XPO6: variants seen among roughly 807,000 people sequenced by gnomAD.
XPO6 encodes the protein exportin-6.
XPO6 carries 3 observed loss-of-function variants against 130.0 expected under a neutral mutation model. The observed-to-expected ratio is 0.02, with a 90% confidence interval of 0.01 to 0.06. XPO6 has a LOEUF of 0.06. Ranked by LOEUF, XPO6 falls within the 10% of genes least tolerant of loss-of-function variation. The pLI, the probability that XPO6 is intolerant of heterozygous loss-of-function variation, is 1.00. For synonymous variants in XPO6, 524 were observed against 548.9 expected, an observed-to-expected ratio of 0.95 and a Z score of 0.63; for missense variants, 970 against 1,393.0, an observed-to-expected ratio of 0.70 and a Z score of 4.83.
chr16:28,141,989 T>A (rs2042903509), intron 9 of XPO6, among the ~76,000 whole-genome samples: 1 of 152,174 alleles, frequency 6.6e-6, no homozygotes, highest in African/African-American at 2.4e-5. Flanking sequence ...CAAAAATAAA[T>A]CTATGTATAT....
intron 15 of XPO6, 39 bp downstream of exon 15, chr16:28,117,279 A>T (rs771704737): frequency 6.2e-7 from 1 of 1,609,748 alleles, no homozygotes; most frequent in South Asian, 1.1e-5. Flanking sequence ...GGAGAGACAG[A>T]GAGTTAGATA....
At chr16:28,172,202 T>C (rs1456605456) in intron 4 of XPO6, among the ~76,000 whole-genome samples, 1 of 152,228 alleles carries the variant, frequency 6.6e-6, no homozygotes, top group Non-Finnish European at 1.5e-5. Context: ...GTATAATTTT[T>C]CCTCTCATTA....
At chr16:28,208,822 G>A (rs2044076713) in intron 1 of XPO6, among the ~76,000 whole-genome samples, 1 of 152,216 alleles carries the variant, frequency 6.6e-6, no homozygotes, top group African/African-American at 2.4e-5. Context: ...TTGTTCATCT[G>A]TACATGCCCT....
At chr16:28,119,678 C>T (rs1323953236) in intron 14 of XPO6, among the ~76,000 whole-genome samples, 8 of 151,732 alleles carry the variant, frequency 5.3e-5, no homozygotes, top group Admixed American at 2.6e-4. Context: ...GATACAAAAA[C>T]ATTCCTGGGA....
intron 17 of XPO6, chr16:28,111,118 A>G (rs1021311060): frequency 3.9e-5 from 6 of 152,250 alleles, no homozygotes; most frequent in African/African-American, 1.4e-4. Context: ...TTATAAAAGT[A>G]GTGTTTTTTA....
intron 1 of XPO6, among the ~76,000 whole-genome samples, chr16:28,199,221 G>A (rs1010129118): frequency 2.0e-5 from 3 of 152,216 alleles, no homozygotes; most frequent in African/African-American, 7.2e-5. Flanking sequence ...CCGTGACACA[G>A]CCTCAGGAGG....
intron 6 of XPO6, 57 bp downstream of exon 6, chr16:28,166,451 A>C: frequency 6.5e-7 from 1 of 1,537,534 alleles, no homozygotes; most frequent in South Asian, 1.2e-5. Flanking sequence ...AAATCACCAC[A>C]CCTGGCCCCC....
intron 1 of XPO6, among the ~76,000 whole-genome samples, chr16:28,189,362 A>G (rs377281039): frequency 1.3e-5 from 2 of 151,936 alleles, no homozygotes; most frequent in African/African-American, 4.8e-5. Flanking sequence ...TCCACAGTCT[A>G]GCAGTCAGCA....
intron 16 of XPO6, 31 bp from the exon 17 acceptor site, chr16:28,112,037 G>A: frequency 6.3e-7 from 1 of 1,590,670 alleles, no homozygotes; most frequent in Middle Eastern, 1.7e-4. Flanking sequence ...ATCCATCAGA[G>A]GTCAGAGCCA....
chr16:28,164,959 G>A (rs574822563), intron 6 of XPO6, among the ~76,000 whole-genome samples: 29 of 152,328 alleles, frequency 1.9e-4, no homozygotes, highest in Admixed American at 3.3e-4. Context: ...GCTCACACCT[G>A]TAATCCCAGA....
chr16:28,209,720 T>G (rs536944834), intron 1 of XPO6, among the ~76,000 whole-genome samples: 1 of 152,124 alleles, frequency 6.6e-6, no homozygotes, highest in African/African-American at 2.4e-5. Context: ...CCACTAAATG[T>G]TATACCTCAT....
chr16:28,103,271 A>G (rs1486237002), intron 21 of XPO6, among the ~76,000 whole-genome samples: 1 of 152,006 alleles, frequency 6.6e-6, no homozygotes, highest in Non-Finnish European at 1.5e-5. Flanking sequence ...AGCTTCTTTC[A>G]CCTGACAGAA....
intron 1 of XPO6, among the ~76,000 whole-genome samples, chr16:28,186,711 C>T (rs2043702068): frequency 6.7e-6 from 1 of 148,782 alleles, no homozygotes. Flanking sequence ...TGCTGTATCA[C>T]CCCAGACTGG....
Position 28,210,485 on chromosome 16 carries a change from T to C in XPO6, c.3+881A>G, listed in dbSNP as rs748993948. Among the ~76,000 whole-genome samples, 9 of 152,216 alleles carry C rather than the reference T, an allele frequency of 5.9e-5. No individual in the cohort carries two copies. In the East Asian group the frequency reaches 1.5e-3, roughly 26 times the overall value. On this transcript the variant is annotated intron_variant, in intron 1 of 23. Transcript: ENST00000304658. ...GGAGCAGATAAGGGTTCAAACAATTTGGTCTTTGAAGGAGCTGTGTATACC... is the reference window on the plus strand; with the variant it reads ...GGAGCAGATAAGGGTTCAAACAATTCGGTCTTTGAAGGAGCTGTGTATACC...
intron 23 of XPO6, among the ~76,000 whole-genome samples, chr16:28,098,910 C>G (rs1387050450): frequency 6.6e-6 from 1 of 152,186 alleles, no homozygotes; most frequent in African/African-American, 2.4e-5. Context: ...TGAGTCCTCA[C>G]CACAAGGCTG....
intron 1 of XPO6, among the ~76,000 whole-genome samples, chr16:28,201,579 G>C (rs140283598): frequency 3.9e-5 from 6 of 152,152 alleles, no homozygotes; most frequent in African/African-American, 1.4e-4. Flanking sequence ...AGTCTTGGCC[G>C]GGCGTGGTGG....
rs770028167 is a variant in XPO6, at chr16:28,125,834, T to C, written c.1621A>G (p.Ile541Val). The C allele has an allele frequency of 1.9e-6, 3 of 1,613,926 alleles. No individual in the cohort carries two copies. Among genetic ancestry groups the C allele is most frequent in the Non-Finnish European group, 2.5e-6 (3 of 1,179,982 alleles). ...CGCCGGCAGTCGTTCTCCGCCGTGA[T>C]GTTCAACCTGTGTCCTGGAACACAA... ...VTSGSGHRLN[I>V]TAENDCRRLH... The change falls in exon 13 of 24, where the codon ATC (isoleucine) becomes GTC (valine). Residue 541 changes from isoleucine (I) to valine (V), a missense_variant. Physicochemically the swap from Ile to Val is conservative, Grantham distance 29 (BLOSUM62 3). Transcript: ENST00000304658.
At chr16:28,154,406 G>T in intron 7 of XPO6, 1 of 579,000 alleles carries the variant, frequency 1.7e-6, no homozygotes, top group Non-Finnish European at 2.2e-6. Flanking sequence ...TCTTTCCCTT[G>T]CCCACCTTCT....
intron 4 of XPO6, among the ~76,000 whole-genome samples, chr16:28,174,964 G>T (rs1279357191): frequency 1.3e-5 from 2 of 150,448 alleles, no homozygotes; most frequent in African/African-American, 4.9e-5. Flanking sequence ...TCCAAATCCT[G>T]ATCCCAGATC....
Sources: allele counts gnomAD v4.1 joint callset (sites outside exome capture counted in the v4.1 genomes callset), GRCh38; gene constraint gnomAD v4.1.1; transcripts MANE v1.5; gene names NCBI Gene and HGNC (gene_info 2026-07-23, HGNC 2026-07-21).